The following TENM3 variants were observed in gnomAD, a reference collection of about 807,000 sequenced individuals.
TENM3 encodes the protein teneurin transmembrane protein 3.
Under a neutral mutation model 255.1 loss-of-function variants are expected in TENM3, and 63 were observed. The observed-to-expected ratio is 0.25, with a 90% confidence interval of 0.20 to 0.30. The LOEUF is 0.30. Ranked by LOEUF, TENM3 falls within the 10% of genes least tolerant of loss-of-function variation. The probability of loss-of-function intolerance (pLI) is 1.00; values close to 1 mark genes in which losing one functional copy is unlikely to be tolerated. For synonymous variants in TENM3, 1,306 were observed against 1,322.3 expected (o/e 0.99, Z 0.27); for missense variants, 2,929 against 3,461.1 (o/e 0.85, Z 3.86).
the TENM3 span, among the ~76,000 whole-genome samples, chr4:181,958,386 T>C: frequency 6.6e-6 from 1 of 152,250 alleles, no homozygotes; most frequent in Admixed American, 6.5e-5. Context: ...TTAGACTTTC[T>C]AGTTGCCTGA....
the TENM3 span, among the ~76,000 whole-genome samples, chr4:181,839,380 TATATAC>T: frequency 9.8e-3 from 385 of 39,428 alleles, 19 homozygotes; most frequent in African/African-American, 0.021. Flanking sequence ...TATATATATA[TATATAC>T]ACCTATATAC....
At chr4:181,528,752 A>T in the TENM3 span, among the ~76,000 whole-genome samples, 3 of 152,188 alleles carry the variant, frequency 2.0e-5, no homozygotes, top group Non-Finnish European at 4.4e-5. Context: ...TGCACTCTCC[A>T]CCACTGTGCA....
At chr4:182,068,922 G>A in the TENM3 span, among the ~76,000 whole-genome samples, 1 of 151,758 alleles carries the variant, frequency 6.6e-6, no homozygotes, top group Admixed American at 6.6e-5. Context: ...CTAAAATAAA[G>A]GTAAATCAAT....
At chr4:181,483,121 G>A in the TENM3 span, among the ~76,000 whole-genome samples, 4 of 152,080 alleles carry the variant, frequency 2.6e-5, no homozygotes, top group African/African-American at 9.7e-5. Flanking sequence ...AGAATTTGGG[G>A]CTTTCTACTG....
intron 12 of TENM3, among the ~76,000 whole-genome samples, chr4:182,703,328 A>T (rs1758032918): frequency 6.6e-6 from 1 of 152,224 alleles, no homozygotes; most frequent in East Asian, 1.9e-4. Flanking sequence ...CAATTACAAC[A>T]ACAAAAAATG....
the TENM3 span, among the ~76,000 whole-genome samples, chr4:181,781,331 C>T: frequency 1.3e-5 from 2 of 152,118 alleles, no homozygotes; most frequent in Non-Finnish European, 2.9e-5. Flanking sequence ...TTGAAGAGTT[C>T]CTTCACATCC....
chr4:182,262,007 A>C (rs1464668906), intron 1 of TENM3, among the ~76,000 whole-genome samples: 1 of 152,158 alleles, frequency 6.6e-6, no homozygotes, highest in Non-Finnish European at 1.5e-5. Context: ...TACCAAGATC[A>C]TGAGTCACCA....
At chr4:182,202,114 T>C (rs1010531279) in intron 1 of TENM3, among the ~76,000 whole-genome samples, 1 of 152,146 alleles carries the variant, frequency 6.6e-6, no homozygotes. Flanking sequence ...ATGGGATTGG[T>C]TAAAAGCAAA....
the TENM3 span, among the ~76,000 whole-genome samples, chr4:181,575,375 T>G: frequency 6.6e-6 from 1 of 152,172 alleles, no homozygotes; most frequent in Admixed American, 6.5e-5. Context: ...AATAAACAGA[T>G]TTTACAATTC....
chr4:182,635,859 G>GT (rs1267987892), intron 5 of TENM3, among the ~76,000 whole-genome samples: 2 of 152,096 alleles, frequency 1.3e-5, no homozygotes, highest in Non-Finnish European at 2.9e-5. Flanking sequence ...TTACCTCTCT[G>GT]TGTACCTTGA....
chr4:182,689,906 G>C (rs892304722), intron 12 of TENM3, among the ~76,000 whole-genome samples: 12 of 152,274 alleles, frequency 7.9e-5, no homozygotes, highest in Middle Eastern at 3.4e-3. Flanking sequence ...GTTTTGTGTG[G>C]TCCAAGACAA....
rs575263574 is a variant in TENM3 at position 182,678,320 on chromosome 4, C to G, written c.1327-1346C>G. Among the ~76,000 whole-genome samples, 33 of 152,218 alleles carry G rather than the reference C, an allele frequency of 2.2e-4. 1 individual carries two copies. The highest frequency in any genetic ancestry group is 6.8e-3 in the Middle Eastern group (2 of 294). On this transcript the variant is annotated intron_variant, in intron 7 of 27. Coordinates refer to ENST00000511685, the MANE Select transcript of TENM3 (RefSeq NM_001080477.4). ...TCACCAATGTTCATGTCTAATTTTACTACAACAAAACTTAGGTTTAATGAT... is the reference window on the plus strand; with the variant it reads ...TCACCAATGTTCATGTCTAATTTTAGTACAACAAAACTTAGGTTTAATGAT...
At chr4:181,652,799 C>A in the TENM3 span, among the ~76,000 whole-genome samples, 2,776 of 152,216 alleles carry the variant, frequency 0.018, 36 homozygotes, top group East Asian at 0.036. Context: ...CTTTCCACCC[C>A]CAAAACAAAC....
chr4:182,250,941 C>A (rs1313562043), intron 1 of TENM3, among the ~76,000 whole-genome samples: 1 of 152,142 alleles, frequency 6.6e-6, no homozygotes, highest in East Asian at 1.9e-4. Context: ...ATTTGTTATG[C>A]AAACAAGGGT....
chr4:181,521,793 A>C, the TENM3 span, among the ~76,000 whole-genome samples: 1 of 152,092 alleles, frequency 6.6e-6, no homozygotes, highest in African/African-American at 2.4e-5. Flanking sequence ...CATCTGCTAA[A>C]GTCACTTAAG....
At chr4:181,887,521 C>T in the TENM3 span, among the ~76,000 whole-genome samples, 2 of 152,138 alleles carry the variant, frequency 1.3e-5, no homozygotes, top group Non-Finnish European at 1.5e-5. Flanking sequence ...GCCTCTCTAT[C>T]CAGTCTTCAC....
intron 3 of TENM3, among the ~76,000 whole-genome samples, chr4:182,533,688 G>A (rs908648878): frequency 8.5e-5 from 13 of 152,102 alleles, no homozygotes; most frequent in Non-Finnish European, 4.4e-5. Context: ...GGCCAAGGCA[G>A]GTGGATCACG....
intron 20 of TENM3, among the ~76,000 whole-genome samples, chr4:182,752,942 A>ATTTTTTT (rs750171665): frequency 1.6e-5 from 2 of 121,722 alleles, no homozygotes; most frequent in South Asian, 2.8e-4. Context: ...TCCTTACTGA[A>ATTTTTTT]TTTTTTTTTT....
intron 5 of TENM3, among the ~76,000 whole-genome samples, chr4:182,633,749 C>T (rs929421377): frequency 2.6e-5 from 4 of 152,184 alleles, no homozygotes; most frequent in Non-Finnish European, 5.9e-5. Context: ...AGATGGCTCG[C>T]CTGAAGGCAC....
Sources: allele counts gnomAD v4.1 joint callset (sites outside exome capture counted in the v4.1 genomes callset), GRCh38; gene constraint gnomAD v4.1.1; transcripts MANE v1.5; gene names NCBI Gene and HGNC (gene_info 2026-07-23, HGNC 2026-07-21).